Variants in DSCAM observed in about 807,000 individuals in gnomAD.
The protein encoded by DSCAM is DS cell adhesion molecule, also known as cell adhesion molecule DSCAM.
Under a neutral mutation model 217.7 loss-of-function variants are expected in DSCAM, and 47 were observed. That is an observed-to-expected ratio of 0.22 (90% CI 0.17 to 0.28). The LOEUF is 0.28. Among genes scored for constraint, DSCAM ranks in the 10% least tolerant of loss-of-function variants. The pLI is 1.00. For missense variants in DSCAM, 2,080 were observed against 2,618.3 expected (o/e 0.79, Z 4.49); for synonymous variants, 1,056 against 1,015.3 (o/e 1.04, Z -0.76).
chr21:40,442,509 TTTTTTTTG>T (rs1424913762), intron 3 of DSCAM, among the ~76,000 whole-genome samples: 4 of 81,394 alleles, frequency 4.9e-5, no homozygotes, highest in Non-Finnish European at 1.2e-4. Context: ...ACCCCTAATT[TTTTTTTTG>T]TTTTTTTTTT....
chr21:40,485,353 C>T (rs1382781544), intron 3 of DSCAM, among the ~76,000 whole-genome samples: 7 of 151,538 alleles, frequency 4.6e-5, no homozygotes, highest in Admixed American at 6.6e-5. Context: ...CGCCATTCTC[C>T]TGCCTCAGCC....
At chr21:40,718,936 G>A (rs982402004) in intron 1 of DSCAM, among the ~76,000 whole-genome samples, 2 of 150,802 alleles carry the variant, frequency 1.3e-5, no homozygotes, top group Admixed American at 1.3e-4. Context: ...GATCAGCCTG[G>A]GGAACATAGC....
At chr21:40,334,992 G>A (rs2074415558) in intron 8 of DSCAM, among the ~76,000 whole-genome samples, 1 of 151,928 alleles carries the variant, frequency 6.6e-6, no homozygotes, top group Non-Finnish European at 1.5e-5. Flanking sequence ...GTGTTTTCTT[G>A]TTCACTTGGC....
intron 11 of DSCAM, among the ~76,000 whole-genome samples, chr21:40,243,383 C>T: frequency 6.6e-6 from 1 of 152,062 alleles, no homozygotes; most frequent in East Asian, 1.9e-4. Context: ...TTCTTAAATG[C>T]ATTTCTTTTT....
chr21:40,563,722 ATATGTT>A (rs1234620588), intron 3 of DSCAM, among the ~76,000 whole-genome samples: 19 of 146,528 alleles, frequency 1.3e-4, no homozygotes, highest in African/African-American at 4.7e-4. Context: ...TTATGTTTAT[ATATGTT>A]TATATGTTTA....
intron 14 of DSCAM, among the ~76,000 whole-genome samples, chr21:40,185,149 T>C (rs75530721): frequency 0.025 from 3,854 of 152,224 alleles, 82 homozygotes; most frequent in Middle Eastern, 0.082. Flanking sequence ...ATCATAGAGA[T>C]ACATATATAG....
chr21:40,819,609 G>T (rs550440504), intron 1 of DSCAM, among the ~76,000 whole-genome samples: 1 of 152,266 alleles, frequency 6.6e-6, no homozygotes, highest in African/African-American at 2.4e-5. Flanking sequence ...ATCATTGTGG[G>T]CCAAGCTGTT....
intron 27 of DSCAM, among the ~76,000 whole-genome samples, chr21:40,071,444 A>G (rs1160136088): frequency 6.6e-6 from 1 of 152,204 alleles, no homozygotes; most frequent in Non-Finnish European, 1.5e-5. Context: ...ACATTATATT[A>G]TATTCATCTA....
chr21:40,484,462 A>C (rs961954520), intron 3 of DSCAM, among the ~76,000 whole-genome samples: 2 of 152,160 alleles, frequency 1.3e-5, no homozygotes, highest in African/African-American at 4.8e-5. Flanking sequence ...TAGAAAACAA[A>C]TCTCTGTGGA....
chr21:40,719,506 T>C (rs1453180414), intron 1 of DSCAM, among the ~76,000 whole-genome samples: 5 of 152,204 alleles, frequency 3.3e-5, no homozygotes, highest in African/African-American at 1.2e-4. Context: ...CGCTGGAATA[T>C]CTACAGCAGC....
intron 21 of DSCAM, 87 bp from the exon 22 acceptor site, chr21:40,087,374 C>T: frequency 1.0e-6 from 1 of 964,088 alleles, no homozygotes; most frequent in Non-Finnish European, 1.7e-6. Flanking sequence ...AAGGGCAATA[C>T]CTAAAAATGG....
intron 3 of DSCAM, among the ~76,000 whole-genome samples, chr21:40,585,820 T>C (rs905405012): frequency 2.0e-5 from 3 of 152,142 alleles, no homozygotes; most frequent in Non-Finnish European, 2.9e-5. Context: ...GAGAGTTGGT[T>C]GTTAAAAAGA....
chr21:40,658,071 A>T (rs1395024667), intron 3 of DSCAM, among the ~76,000 whole-genome samples: 1 of 152,178 alleles, frequency 6.6e-6, no homozygotes, highest in Non-Finnish European at 1.5e-5. Context: ...TAACATTTGT[A>T]TTGCAGACAC....
intron 3 of DSCAM, among the ~76,000 whole-genome samples, chr21:40,412,156 C>T (rs1413890686): frequency 6.6e-6 from 1 of 152,182 alleles, no homozygotes; most frequent in African/African-American, 2.4e-5. Context: ...ACTGTAGGTC[C>T]AGTTAAACCT....
intron 15 of DSCAM, among the ~76,000 whole-genome samples, chr21:40,173,268 T>G (rs2090678904): frequency 6.6e-6 from 1 of 152,126 alleles, no homozygotes; most frequent in Admixed American, 6.5e-5. Flanking sequence ...GGCAGTGGGT[T>G]GAATTTTAAT....
At position 40,753,347 on chromosome 21, in the gene DSCAM, C is replaced by T. The variant is rs537892971; in HGVS notation, c.44-44576G>A. ...TTAAAACTAAAGAAAGAATTACAGTCATTTAATAAAGACAATGAAACTGAA... is the reference window on the plus strand; with the variant it reads ...TTAAAACTAAAGAAAGAATTACAGTTATTTAATAAAGACAATGAAACTGAA... On this transcript the variant is annotated intron_variant, in intron 1 of 32. Transcript: ENST00000400454. Among the ~76,000 whole-genome samples the T allele has an allele frequency of 1.5e-4, 23 of 152,252 alleles. No homozygotes were observed. The South Asian group carries it at 4.6e-3, about 30-fold the overall frequency.
chr21:40,092,876 T>G (rs1292932382), intron 21 of DSCAM, among the ~76,000 whole-genome samples: 1 of 152,184 alleles, frequency 6.6e-6, no homozygotes, highest in African/African-American at 2.4e-5. Context: ...CCCCTCTTTT[T>G]TCCCCTCACT....
At chr21:40,693,803 T>C (rs73220295) in intron 2 of DSCAM, among the ~76,000 whole-genome samples, 16,564 of 152,176 alleles carry the variant, frequency 0.11, 1,055 homozygotes, top group South Asian at 0.21. Context: ...GATAGGAGCA[T>C]CCCAGAAAGA....
intron 3 of DSCAM, among the ~76,000 whole-genome samples, chr21:40,505,725 A>T (rs963844): frequency 1.3e-5 from 2 of 152,038 alleles, no homozygotes; most frequent in Admixed American, 1.3e-4. Flanking sequence ...CAATTAAATT[A>T]CTCTTTGGGG....
Sources: allele counts gnomAD v4.1 joint callset (sites outside exome capture counted in the v4.1 genomes callset), GRCh38; gene constraint gnomAD v4.1.1; transcripts MANE v1.5; gene names NCBI Gene and HGNC (gene_info 2026-07-23, HGNC 2026-07-21).